Variants in LAMP3 observed in about 807,000 individuals in gnomAD.
LAMP3 encodes the protein lysosome-associated membrane glycoprotein 3.
In LAMP3, 26 loss-of-function variants were observed where a neutral mutation model predicts 34.8. The ratio of observed to expected loss-of-function variants is 0.75; its 90% confidence interval spans 0.55 to 1.04. The LOEUF (loss-of-function observed/expected upper bound fraction) is 1.04. Among genes scored for constraint, LAMP3 ranks in the 50% least tolerant of loss-of-function variants. The pLI is 0.00. For missense variants in LAMP3, 495 were observed against 524.0 expected (o/e 0.94, Z 0.54); for synonymous variants, 180 against 201.9 (o/e 0.89, Z 0.92).
At chr3:183,146,022 T>C (rs1720429475) in intron 3 of LAMP3, among the ~76,000 whole-genome samples, 1 of 152,220 alleles carries the variant, frequency 6.6e-6, no homozygotes, top group African/African-American at 2.4e-5. Flanking sequence ...TCAACATCCA[T>C]TTATCATTCT....
At chr3:183,135,980 T>G in intron 4 of LAMP3, 93 bp from the exon 5 acceptor site, 1 of 960,902 alleles carries the variant, frequency 1.0e-6, no homozygotes, top group Non-Finnish European at 1.6e-6. Flanking sequence ...CTAAATGGCC[T>G]TCCTTCCTTC....
At chr3:183,163,793 C>T (rs2108618585), upstream of LAMP3, 1 of 152,458 alleles carries the variant, frequency 6.6e-6, no homozygotes, top group East Asian at 1.9e-4. Context: ...AACAGGAGCA[C>T]AGCCCAGAGG....
chr3:183,126,170 T>TA (rs2108593896), intron 5 of LAMP3, among the ~76,000 whole-genome samples: 1 of 152,122 alleles, frequency 6.6e-6, no homozygotes, highest in Non-Finnish European at 1.5e-5. Flanking sequence ...AATTTAAATA[T>TA]ACGTAAAAAC....
chr3:183,151,484 A>G (rs1050597402), intron 3 of LAMP3, among the ~76,000 whole-genome samples: 73 of 144,704 alleles, frequency 5.0e-4, no homozygotes, highest in African/African-American at 1.6e-3. Flanking sequence ...CTGGAGTGCA[A>G]TGGCGCAATC....
At chr3:183,154,917 CT>C (rs912822216) in intron 1 of LAMP3, among the ~76,000 whole-genome samples, 14 of 130,434 alleles carry the variant, frequency 1.1e-4, no homozygotes, top group Non-Finnish European at 2.1e-4. Flanking sequence ...AAACTCCAAT[CT>C]TTTTTTTCTT....
chr3:183,145,875 C>T (rs1358366950), intron 3 of LAMP3, among the ~76,000 whole-genome samples: 1 of 152,066 alleles, frequency 6.6e-6, no homozygotes, highest in African/African-American at 2.4e-5. Context: ...AACAAACAAA[C>T]AAAACCCTAC....
intron 5 of LAMP3, chr3:183,131,861 A>G: frequency 1.1e-6 from 1 of 903,596 alleles, no homozygotes; most frequent in Non-Finnish European, 1.3e-6. Context: ...GAAACCATGA[A>G]TAACATCCTA....
chr3:183,162,029 C>T, intron 1 of LAMP3: 2 of 975,858 alleles, frequency 2.0e-6, no homozygotes, highest in Non-Finnish European at 2.4e-6. Flanking sequence ...TCATGACGTT[C>T]GAGTAACCAG....
intron 5 of LAMP3, among the ~76,000 whole-genome samples, 188 bp downstream of exon 5, chr3:183,135,529 T>A (rs1720055257): frequency 6.6e-6 from 1 of 152,182 alleles, no homozygotes; most frequent in Non-Finnish European, 1.5e-5. Flanking sequence ...CAGCCGTGAC[T>A]GGGTGGGTGC....
At chr3:183,125,310 C>G (rs1421067700) in intron 5 of LAMP3, among the ~76,000 whole-genome samples, 1 of 152,038 alleles carries the variant, frequency 6.6e-6, no homozygotes, top group Admixed American at 6.6e-5. Flanking sequence ...ACCATCAACC[C>G]AATTCAGTGT....
intron 4 of LAMP3, among the ~76,000 whole-genome samples, chr3:183,138,462 T>A (rs1720167619): frequency 6.6e-6 from 1 of 152,164 alleles, no homozygotes; most frequent in Admixed American, 6.6e-5. Context: ...GATAGAGCTT[T>A]GAAAAGGGGA....
At chr3:183,132,956 G>A (rs1284963133) in intron 5 of LAMP3, 14 of 984,822 alleles carry the variant, frequency 1.4e-5, no homozygotes, top group African/African-American at 1.7e-5. Flanking sequence ...GCATTCATCC[G>A]CTGTAATTGA....
intron 1 of LAMP3, among the ~76,000 whole-genome samples, chr3:183,159,487 C>T (rs1023244148): frequency 1.3e-5 from 2 of 152,198 alleles, no homozygotes; most frequent in Non-Finnish European, 2.9e-5. Flanking sequence ...CTCTGAGGAG[C>T]ACAGTCAGGG....
intron 5 of LAMP3, among the ~76,000 whole-genome samples, chr3:183,129,988 C>T (rs1358154157): frequency 1.3e-5 from 2 of 152,076 alleles, no homozygotes; most frequent in African/African-American, 2.4e-5. Context: ...AAGACACAGG[C>T]CATCTACAGC....
chr3:183,162,445 C>T (rs551956232), intron 1 of LAMP3, among the ~76,000 whole-genome samples, 162 bp downstream of exon 1: 4 of 152,284 alleles, frequency 2.6e-5, no homozygotes, highest in South Asian at 4.1e-4. Context: ...GACACCTGCT[C>T]TGAGTAACTC....
At chr3:183,149,994 G>T (rs950843528) in intron 3 of LAMP3, among the ~76,000 whole-genome samples, 11 of 152,188 alleles carry the variant, frequency 7.2e-5, no homozygotes, top group African/African-American at 2.4e-4. Context: ...GCGAAGGTCA[G>T]CTACTTTGGG....
At chr3:183,142,257 T>C (rs1013017257) in intron 3 of LAMP3, among the ~76,000 whole-genome samples, 5 of 152,164 alleles carry the variant, frequency 3.3e-5, no homozygotes, top group Admixed American at 3.3e-4. Context: ...AGAGCGTCCA[T>C]CGAAGGGTTT....
chr3:183,136,219 C>T (rs980840419), intron 4 of LAMP3, among the ~76,000 whole-genome samples: 14 of 152,074 alleles, frequency 9.2e-5, no homozygotes, highest in Admixed American at 3.3e-4. Flanking sequence ...TACAGAGAGG[C>T]GCCTCCAAAA....
At chr3:183,155,416 C>T (rs1176688476) in intron 1 of LAMP3, among the ~76,000 whole-genome samples, 1 of 152,182 alleles carries the variant, frequency 6.6e-6, no homozygotes, top group Admixed American at 6.6e-5. Context: ...CAGTCTTTCT[C>T]AACCAAGAAA....
Sources: gnomAD v4.1 joint callset for allele counts (sites outside exome capture counted in the v4.1 genomes callset) on GRCh38, gnomAD v4.1.1 for gene constraint, MANE v1.5 for transcripts, NCBI Gene and HGNC (gene_info 2026-07-23, HGNC 2026-07-21) for gene names.